Variants in HOMER2 observed in about 807,000 individuals in gnomAD.
HOMER2 encodes the protein homer scaffold protein 2, also known as homer protein homolog 2.
A neutral mutation model predicts 47.0 loss-of-function variants in HOMER2; 27 were observed. The ratio of observed to expected loss-of-function variants is 0.57; its 90% CI spans 0.42 to 0.79. HOMER2 has a LOEUF of 0.79. Among genes scored for constraint, HOMER2 ranks in the 30% least tolerant of loss-of-function variants. The pLI is 0.00. For missense variants in HOMER2, 443 were observed against 435.0 expected, an observed-to-expected ratio of 1.02 and a Z score of -0.16; for synonymous variants, 161 against 163.8, an observed-to-expected ratio of 0.98 and a Z score of 0.13.
At position 82,851,031 on chromosome 15, in the gene HOMER2, A is replaced by G. The variant is rs2051374180; in HGVS notation, c.843+120T>C. On this transcript the variant is annotated intron_variant, in intron 8 of 8. Transcript: ENST00000450735. ...GTGCAGTCACTGCCAGCTTTTTGTG[A>G]ATAGAAAATCTCTCCTTCAGCATTC... 5.5e-6 allele frequency: 4 copies of G among 732,530 alleles called. No individual in the cohort carries two copies. The South Asian group carries it at 7.0e-5, about 13-fold the overall frequency. 45.4% of individuals were successfully genotyped at this position (732,530 alleles called of 1,614,324 possible). A position where few individuals can be genotyped will look rare whatever the true frequency, so the allele number is the denominator to read the frequency against.
At chr15:82,934,721 C>A (rs2054102147) in intron 1 of HOMER2, among the ~76,000 whole-genome samples, 1 of 152,220 alleles carries the variant, frequency 6.6e-6, no homozygotes, top group South Asian at 2.1e-4. Context: ...CACACCCACA[C>A]CCACGCCACT....
At chr15:82,905,642 A>G (rs1463222314) in intron 1 of HOMER2, among the ~76,000 whole-genome samples, 1 of 152,234 alleles carries the variant, frequency 6.6e-6, no homozygotes, top group Non-Finnish European at 1.5e-5. Flanking sequence ...GAAGCCCTGC[A>G]AGTGAGAAGA....
At chr15:82,897,623 T>C (rs969908877) in intron 1 of HOMER2, among the ~76,000 whole-genome samples, 4 of 152,226 alleles carry the variant, frequency 2.6e-5, no homozygotes, top group Non-Finnish European at 5.9e-5. Flanking sequence ...TTATGACATC[T>C]GTCTCCTATC....
chr15:82,868,804 G>A (rs1036433393), intron 3 of HOMER2, among the ~76,000 whole-genome samples: 1 of 150,928 alleles, frequency 6.6e-6, no homozygotes, highest in African/African-American at 2.4e-5. Flanking sequence ...GCCTGTCTTG[G>A]CCTCCCAAAG....
At chr15:82,961,353 G>A (rs1165013265) in intron 1 of HOMER2, among the ~76,000 whole-genome samples, 1 of 152,230 alleles carries the variant, frequency 6.6e-6, no homozygotes, top group Non-Finnish European at 1.5e-5. Flanking sequence ...GTACTATGAG[G>A]GTTGCCTCTG....
intron 4 of HOMER2, among the ~76,000 whole-genome samples, chr15:82,861,726 G>A (rs1477050950): frequency 6.6e-6 from 1 of 152,160 alleles, no homozygotes; most frequent in African/African-American, 2.4e-5. Flanking sequence ...GCATACAAGG[G>A]CCGGGTGCAG....
intron 7 of HOMER2, 79 bp from the exon 8 acceptor site, chr15:82,851,310 G>A (rs960997126): frequency 4.0e-5 from 38 of 946,060 alleles, no homozygotes; most frequent in Admixed American, 1.4e-4. Flanking sequence ...ATGTGTGCAC[G>A]CTCGTGGAAG....
intron 5 of HOMER2, 139 bp downstream of exon 5, chr15:82,858,890 C>T (rs2051678780): frequency 2.0e-6 from 2 of 981,154 alleles, no homozygotes; most frequent in Non-Finnish European, 2.9e-6. Context: ...GCCTTCCTTT[C>T]ACCAGGAGAC....
chr15:82,962,627 A>C (rs1440530593), intron 1 of HOMER2, among the ~76,000 whole-genome samples: 1 of 151,968 alleles, frequency 6.6e-6, no homozygotes, highest in Non-Finnish European at 1.5e-5. Flanking sequence ...CAGCAAGCCG[A>C]TATTGTGCTA....
intron 1 of HOMER2, among the ~76,000 whole-genome samples, chr15:82,977,806 T>C (rs1422788943): frequency 4.6e-5 from 7 of 152,070 alleles, no homozygotes; most frequent in African/African-American, 1.7e-4. Context: ...TTATATATGG[T>C]TGAATGTTGA....
At chr15:82,900,220 A>G (rs1567042009) in intron 1 of HOMER2, among the ~76,000 whole-genome samples, 2 of 152,144 alleles carry the variant, frequency 1.3e-5, no homozygotes, top group East Asian at 3.8e-4. Flanking sequence ...GCTTGAGACC[A>G]GGCTCTAGTA....
upstream of HOMER2, among the ~76,000 whole-genome samples, chr15:82,953,427 C>G (rs1410091275): frequency 6.6e-6 from 1 of 152,194 alleles, no homozygotes; most frequent in Non-Finnish European, 1.5e-5. Flanking sequence ...AGAGCAGGCT[C>G]TCTTCGTCGC....
chr15:82,839,839 T>C (rs1218873762), exon 2 of HOMER2: 3 of 151,968 alleles, frequency 2.0e-5, no homozygotes, highest in Non-Finnish European at 4.4e-5. Context: ...GAATATGCTT[T>C]CTTCTTCAGT....
intron 4 of HOMER2, among the ~76,000 whole-genome samples, chr15:82,860,952 A>AGAG (rs56193557): frequency 0.023 from 2,411 of 105,918 alleles, 158 homozygotes; most frequent in African/African-American, 0.069. Context: ...TAGAAGATAG[A>AGAG]AGATGAGAGA....
At chr15:82,851,956 C>T (rs1054948455) in intron 7 of HOMER2, among the ~76,000 whole-genome samples, 186 bp downstream of exon 7, 1 of 152,128 alleles carries the variant, frequency 6.6e-6, no homozygotes, top group African/African-American at 2.4e-5. Context: ...AACAGGGAGG[C>T]GGCAGAGGTC....
Position 82,868,549 on chromosome 15 carries a change from T to A in HOMER2, c.295-4290A>T, listed in dbSNP as rs1437679281. On this transcript the variant is annotated intron_variant, in intron 3 of 8. Coordinates refer to ENST00000450735, the MANE Select transcript of HOMER2 (RefSeq NM_004839.4). ...TATATATATATATATATATTTTTTTTTTTTTTTTTCCCCTTTTGAGACTGA... is the reference window on the plus strand; with the variant it reads ...TATATATATATATATATATTTTTTTATTTTTTTTTCCCCTTTTGAGACTGA... 7.2e-3 allele frequency among the ~76,000 whole-genome samples: 205 copies of A among 28,316 alleles called. 3 individuals carry two copies. The highest frequency in any genetic ancestry group is 0.03 in the African/African-American group (183 of 6,048). The allele number at this position is 28,316 out of a possible 152,430, so 18.6% of individuals were successfully genotyped here.
intron 3 of HOMER2, among the ~76,000 whole-genome samples, chr15:82,872,698 T>C (rs2052216379): frequency 6.6e-6 from 1 of 152,156 alleles, no homozygotes; most frequent in African/African-American, 2.4e-5. Context: ...ACGACTTCCC[T>C]CCAGCTATCC....
chr15:82,962,737 C>T (rs1323100308), intron 1 of HOMER2, among the ~76,000 whole-genome samples: 2 of 152,000 alleles, frequency 1.3e-5, no homozygotes, highest in African/African-American at 4.8e-5. Context: ...TAATTCTGAA[C>T]ATAGTATATG....
intron 1 of HOMER2, among the ~76,000 whole-genome samples, chr15:82,964,905 AG>A (rs942451978): frequency 6.6e-6 from 1 of 152,262 alleles, no homozygotes; most frequent in African/African-American, 2.4e-5. Context: ...CGTGCTCCAT[AG>A]GTTTGGGAAA....
Sources: gnomAD v4.1 joint callset for allele counts (sites outside exome capture counted in the v4.1 genomes callset) on GRCh38, gnomAD v4.1.1 for gene constraint, MANE v1.5 for transcripts, NCBI Gene and HGNC (gene_info 2026-07-23, HGNC 2026-07-21) for gene names.